USP40: variants seen among roughly 807,000 people sequenced by gnomAD.
USP40 encodes the protein ubiquitin carboxyl-terminal hydrolase 40.
Under a neutral mutation model 166.2 loss-of-function variants are expected in USP40, and 143 were observed. The ratio of observed to expected loss-of-function variants is 0.86; its 90% confidence interval spans 0.75 to 0.99. The LOEUF (loss-of-function observed/expected upper bound fraction) is 0.99, where lower values mean the gene tolerates loss of function less well. Among genes scored for constraint, USP40 ranks in the 50% least tolerant of loss-of-function variants. The pLI is 0.00. For missense variants in USP40, 1,444 were observed against 1,479.7 expected (o/e 0.98, Z 0.40); for synonymous variants, 498 against 524.0 (o/e 0.95, Z 0.68).
chr2:233,481,300 A>G lies in USP40; in HGVS notation c.3505-3T>C, dbSNP rs1448316134. 2 of 1,590,348 alleles carry G rather than the reference A, an allele frequency of 1.3e-6. No homozygotes were observed. The highest frequency in any genetic ancestry group is 1.8e-5 in the Admixed American group (1 of 56,492). The stretch of plus-strand genomic sequence containing the variant: ...TCATCGTCGTCAATCAGGAGATTCT[A>G]CATTTCAAAAGAAGTAATGAGCAGT... On this transcript the variant is annotated splice_polypyrimidine_tract_variant and splice_region_variant and intron_variant, in intron 30 of 31. Coordinates refer to ENST00000678225, the MANE Select transcript of USP40 (RefSeq NM_001365479.2).
rs752725174 is a variant in USP40, at chr2:233,559,965, G to A, written c.268-41C>T. On this transcript the variant is annotated intron_variant, in intron 3 of 31. Transcript: ENST00000678225. Reference sequence around the variant, plus strand: ...ACACATTTCTAAATGAATTCTTTAAGTGTTGACTAAGGCTTTTGAAAACAA... The same window carrying A: ...ACACATTTCTAAATGAATTCTTTAAATGTTGACTAAGGCTTTTGAAAACAA... The A allele has an allele frequency of 1.6e-4, 239 of 1,473,664 alleles. 1 individual carries two copies. The highest frequency in any genetic ancestry group is 1.2e-3 in the South Asian group (96 of 81,010). The allele number at this position is 1,473,664 out of a possible 1,614,324, so 91.3% of individuals were successfully genotyped here.
chr2:233,521,210 G>T (rs753448053), intron 16 of USP40, 96 bp from the exon 17 acceptor site: 16 of 1,385,114 alleles, frequency 1.2e-5, no homozygotes, highest in African/African-American at 4.3e-5. Context: ...AATTAGAGGT[G>T]ACCAAGTTCT....
chr2:233,534,363 C>T (rs767005470), intron 10 of USP40, among the ~76,000 whole-genome samples: 2 of 152,154 alleles, frequency 1.3e-5, no homozygotes, highest in African/African-American at 2.4e-5. Flanking sequence ...TTTCTTTCTC[C>T]ATTGCCTGTC....
chr2:233,509,996 A>C, intron 21 of USP40, 53 bp downstream of exon 21: 1 of 1,409,506 alleles, frequency 7.1e-7, no homozygotes, highest in Non-Finnish European at 9.8e-7. Context: ...TGTTCCTCAC[A>C]GCAAACATAC....
At chr2:233,490,897 A>T (rs2065291199) in intron 26 of USP40, 2 of 547,094 alleles carry the variant, frequency 3.7e-6, no homozygotes, top group Admixed American at 5.9e-5. Context: ...TCCCTAAAAA[A>T]ATAAAAATGA....
At chr2:233,479,632 T>TGTGTGTGG (rs2064426887) in intron 31 of USP40, among the ~76,000 whole-genome samples, 1 of 140,536 alleles carries the variant, frequency 7.1e-6, no homozygotes. Context: ...ATTTTACGTG[T>TGTGTGTGG]GTGTGTGTGT....
At chr2:233,524,806 C>A (rs940810188) in intron 14 of USP40, among the ~76,000 whole-genome samples, 1 of 152,106 alleles carries the variant, frequency 6.6e-6, no homozygotes, top group African/African-American at 2.4e-5. Context: ...GTACTTGAGG[C>A]ACATGACATT....
At position 233,481,901 on chromosome 2, in the gene USP40, C is replaced by A. The variant is rs540312966; in HGVS notation, c.3505-604G>T. 3.3e-5 allele frequency among the ~76,000 whole-genome samples: 5 copies of A among 152,340 alleles called. No individual in the cohort carries two copies. In the South Asian group the frequency reaches 1.0e-3, roughly 32 times the overall value. ...GTAAATGCTGTCCACAGGGAGGACG[C>A]CTCAGGGGCGCACCCAGGAAGGGAA... On this transcript the variant is annotated intron_variant, in intron 30 of 31. Transcript: ENST00000678225.
At chr2:233,482,462 G>A (rs923916190) in intron 30 of USP40, among the ~76,000 whole-genome samples, 3 of 152,074 alleles carry the variant, frequency 2.0e-5, no homozygotes, top group Admixed American at 6.5e-5. Context: ...CTATGGGCGA[G>A]TTATTCTAGG....
At position 233,566,732 on chromosome 2, in the gene USP40, C is replaced by G; in HGVS notation, c.-68G>C. The G allele has an allele frequency of 1.0e-6, 1 of 985,996 alleles. No individual in the cohort carries two copies. 61.1% of individuals were successfully genotyped at this position (985,996 alleles called of 1,614,324 possible). On this transcript the variant is annotated 5_prime_UTR_variant, in exon 1 of 32. Coordinates refer to ENST00000678225, the MANE Select transcript of USP40 (RefSeq NM_001365479.2). Reference sequence around the variant, plus strand: ...CTGGCCAAAACGCGAAGCGAACGAACCCGCCCCAACTGGGCGCCGCCATGT... The same window carrying G: ...CTGGCCAAAACGCGAAGCGAACGAAGCCGCCCCAACTGGGCGCCGCCATGT...
At position 233,488,306 on chromosome 2, in the gene USP40, TGATAATAAGTGAAACAA is replaced by T; in HGVS notation, c.3132-19_3132-3del. 1 of 1,590,474 alleles carries T rather than the reference TGATAATAAGTGAAACAA, an allele frequency of 6.3e-7. No individual in the cohort carries two copies. The highest frequency in any genetic ancestry group is 8.6e-7 in the Non-Finnish European group (1 of 1,166,800). On this transcript the variant is annotated splice_region_variant and splice_polypyrimidine_tract_variant and intron_variant, in intron 27 of 31. Transcript: ENST00000678225. ...ATTCTCCGTCCTAGTTTATATTCCCTGATAATAAGTGAAACAAGATAATATTGAGTGACATAACATTT... is the reference window on the plus strand; with the variant it reads ...ATTCTCCGTCCTAGTTTATATTCCCTGATAATATTGAGTGACATAACATTT...
chr2:233,499,996 G>T, intron 21 of USP40, 81 bp from the exon 22 acceptor site: 1 of 1,219,382 alleles, frequency 8.2e-7, no homozygotes, highest in Non-Finnish European at 1.2e-6. Flanking sequence ...TTGGACCCTA[G>T]GCCTATTTAA....
At chr2:233,490,201 T>TC (rs11462633) in intron 26 of USP40, among the ~76,000 whole-genome samples, 28,403 of 144,076 alleles carry the variant, frequency 0.2, 3,042 homozygotes, top group African/African-American at 0.21. Flanking sequence ...TCTCACTCTG[T>TC]CACCCAGCCT....
chr2:233,541,354 T>C (rs945663670), intron 9 of USP40, among the ~76,000 whole-genome samples: 10 of 152,116 alleles, frequency 6.6e-5, no homozygotes, highest in African/African-American at 1.9e-4. Context: ...GTAAATCTGA[T>C]TGGCATTATC....
At chr2:233,525,767 T>A (rs1448514076) in intron 13 of USP40, among the ~76,000 whole-genome samples, 1 of 152,128 alleles carries the variant, frequency 6.6e-6, no homozygotes, top group Non-Finnish European at 1.5e-5. Flanking sequence ...TCTCCTCCAT[T>A]CCTGAGTGAA....
chr2:233,560,058 G>A, intron 3 of USP40, 134 bp from the exon 4 acceptor site: 20 of 537,602 alleles, frequency 3.7e-5, no homozygotes, highest in South Asian at 9.5e-5. Flanking sequence ...CTATTATAAG[G>A]GAAAAACTAA....
intron 9 of USP40, 24 bp from the exon 10 acceptor site, chr2:233,540,793 C>A: frequency 6.4e-7 from 1 of 1,567,110 alleles, no homozygotes; most frequent in Non-Finnish European, 8.8e-7. Flanking sequence ...CACAGTCACT[C>A]AAGAAAATCT....
chr2:233,539,345 T>C (rs1373490253), intron 10 of USP40, among the ~76,000 whole-genome samples: 1 of 152,084 alleles, frequency 6.6e-6, no homozygotes, highest in Non-Finnish European at 1.5e-5. Context: ...TTGAGCAGGA[T>C]AGACAACACT....
At chr2:233,483,088 G>C (rs1575211729) in intron 30 of USP40, among the ~76,000 whole-genome samples, 1 of 152,180 alleles carries the variant, frequency 6.6e-6, no homozygotes, top group African/African-American at 2.4e-5. Flanking sequence ...TCCCCTGTTT[G>C]TGACTTCCCT....
Sources: gnomAD v4.1 joint callset for allele counts (sites outside exome capture counted in the v4.1 genomes callset) on GRCh38, gnomAD v4.1.1 for gene constraint, MANE v1.5 for transcripts, NCBI Gene and HGNC (gene_info 2026-07-23, HGNC 2026-07-21) for gene names.